The following CPA6 variants were observed in gnomAD, a reference collection of about 807,000 sequenced individuals.
The protein encoded by CPA6 is carboxypeptidase A6, also known as carboxypeptidase B.
CPA6 carries 58 observed loss-of-function variants against 63.3 expected under a neutral mutation model. The observed-to-expected ratio is 0.92, with a 90% CI of 0.74 to 1.14. CPA6 has a LOEUF of 1.14. Among genes scored for constraint, CPA6 ranks in the 50% most tolerant of loss-of-function variants. The pLI, the probability that CPA6 is intolerant of heterozygous loss-of-function variation, is 0.00. For missense variants in CPA6, 565 were observed against 526.6 expected, an observed-to-expected ratio of 1.07 and a Z score of -0.71; for synonymous variants, 185 against 179.0, an observed-to-expected ratio of 1.03 and a Z score of -0.27.
intron 10 of CPA6, among the ~76,000 whole-genome samples, chr8:67,424,905 A>T (rs1318067494): frequency 1.3e-5 from 2 of 151,968 alleles, no homozygotes; most frequent in African/African-American, 4.8e-5. Context: ...GTGACCTCAC[A>T]CTCTCTAGCT....
intron 1 of CPA6, among the ~76,000 whole-genome samples, chr8:67,677,973 C>A (rs1042944832): frequency 2.0e-5 from 3 of 151,924 alleles, no homozygotes; most frequent in African/African-American, 7.3e-5. Flanking sequence ...CTGATGAGCT[C>A]ATGCTTGTAA....
At chr8:67,659,663 C>T (rs898730547) in intron 1 of CPA6, among the ~76,000 whole-genome samples, 3 of 152,160 alleles carry the variant, frequency 2.0e-5, no homozygotes, top group Non-Finnish European at 4.4e-5. Flanking sequence ...AAACTAATCA[C>T]ATTTGCAAAA....
chr8:67,670,477 G>T (rs1816319983), intron 1 of CPA6, among the ~76,000 whole-genome samples: 1 of 152,148 alleles, frequency 6.6e-6, no homozygotes, highest in African/African-American at 2.4e-5. Flanking sequence ...CGGGGACACA[G>T]ATCCAAACCA....
chr8:67,616,783 C>G (rs1181665450), intron 2 of CPA6, among the ~76,000 whole-genome samples: 1 of 151,982 alleles, frequency 6.6e-6, no homozygotes, highest in Non-Finnish European at 1.5e-5. Flanking sequence ...CTCTTAGAAC[C>G]CTGTGACTCC....
intron 8 of CPA6, among the ~76,000 whole-genome samples, chr8:67,439,346 G>C (rs551914490): frequency 6.6e-6 from 1 of 152,142 alleles, no homozygotes; most frequent in African/African-American, 2.4e-5. Flanking sequence ...CCAGCACTTT[G>C]GGAGCCAAGG....
At chr8:67,443,067 CT>C (rs113694942) in intron 8 of CPA6, among the ~76,000 whole-genome samples, 34,556 of 145,090 alleles carry the variant, frequency 0.24, 4,202 homozygotes, top group African/African-American at 0.35. Flanking sequence ...CTAGCCTATT[CT>C]TTTTTTTTTT....
At chr8:67,434,261 TG>T (rs1216783408) in intron 8 of CPA6, 21 bp from the exon 9 acceptor site, 1 of 1,602,278 alleles carries the variant, frequency 6.2e-7, no homozygotes, top group Non-Finnish European at 8.5e-7. Context: ...GAAAAGAAAA[TG>T]GGGTAAGGAA....
intron 1 of CPA6, among the ~76,000 whole-genome samples, chr8:67,701,791 T>G: frequency 6.6e-6 from 1 of 152,242 alleles, no homozygotes; most frequent in East Asian, 1.9e-4. Flanking sequence ...GCCTCATTTA[T>G]GAAGTTTTTC....
intron 2 of CPA6, among the ~76,000 whole-genome samples, chr8:67,545,384 T>A (rs1319926488): frequency 6.6e-6 from 1 of 152,238 alleles, no homozygotes; most frequent in South Asian, 2.1e-4. Flanking sequence ...TACTTCCTGG[T>A]CTACCTTCCA....
At chr8:67,661,161 A>G (rs899245478) in intron 1 of CPA6, among the ~76,000 whole-genome samples, 2 of 152,224 alleles carry the variant, frequency 1.3e-5, no homozygotes, top group East Asian at 3.9e-4. Context: ...AAGGTCTTCT[A>G]ATTTTAGATA....
chr8:67,507,687 C>T (rs979813549), intron 5 of CPA6, among the ~76,000 whole-genome samples: 11 of 152,186 alleles, frequency 7.2e-5, no homozygotes, highest in Non-Finnish European at 1.6e-4. Flanking sequence ...AACATGTAAG[C>T]AATCAATCAA....
In CPA6 at chr8:67,488,828, G is replaced by A. The variant is rs1811542708; in HGVS notation, c.637-4039C>T. On this transcript the variant is annotated intron_variant, in intron 6 of 10. Transcript: ENST00000297770. The stretch of plus-strand genomic sequence containing the variant: ...CTCTTTGTAGCAATTGTGAATGGGA[G>A]TTCACTCATGATTTGGCTCTCTGTT... Among the ~76,000 whole-genome samples the A allele has an allele frequency of 2.0e-5, 3 of 152,152 alleles. No homozygotes were observed. The South Asian group carries it at 6.2e-4, about 32-fold the overall frequency.
intron 2 of CPA6, among the ~76,000 whole-genome samples, chr8:67,548,501 C>T (rs971577278): frequency 6.6e-6 from 1 of 151,848 alleles, no homozygotes; most frequent in Non-Finnish European, 1.5e-5. Context: ...CTGCTCATCT[C>T]GGCCTCCCAA....
intron 1 of CPA6, among the ~76,000 whole-genome samples, chr8:67,689,099 C>T (rs2128997039): frequency 6.6e-6 from 1 of 152,220 alleles, no homozygotes; most frequent in South Asian, 2.1e-4. Context: ...CCTGCCTCAG[C>T]CTCAGCTCCT....
intron 1 of CPA6, among the ~76,000 whole-genome samples, chr8:67,635,595 C>T (rs531589308): frequency 6.6e-6 from 1 of 151,430 alleles, no homozygotes; most frequent in Non-Finnish European, 1.5e-5. Context: ...TGGTGAAACC[C>T]CGTCTCTACT....
At position 67,511,553 on chromosome 8, in the gene CPA6, G is replaced by C. The variant is rs139120666; in HGVS notation, c.420C>G (p.His140Gln). ...TTTGATTACATACTTCTTCTAAGGA[G>C]TGATAAACTTCATAATTATATCCAG... is the stretch of plus-strand genomic sequence containing the variant. ...SLSGYNYEVY[H>Q]SLEEIQNWMH... The change falls in exon 4 of 11, where the codon CAC (histidine) becomes CAG (glutamine). Residue 140 changes from histidine to glutamine, a missense_variant. Physicochemically the swap from His to Gln is conservative, Grantham distance 24. Transcript: ENST00000297770. 1 of 1,581,812 alleles carries C rather than the reference G, an allele frequency of 6.3e-7. No homozygotes were observed. Among genetic ancestry groups the C allele is most frequent in the Non-Finnish European group, 8.7e-7 (1 of 1,150,962 alleles).
chr8:67,738,320 C>G (rs1254364041), intron 1 of CPA6, among the ~76,000 whole-genome samples: 1 of 152,166 alleles, frequency 6.6e-6, no homozygotes, highest in African/African-American at 2.4e-5. Flanking sequence ...AGGAGAGTGA[C>G]TTTTCTTTCC....
intron 1 of CPA6, among the ~76,000 whole-genome samples, chr8:67,632,935 G>A (rs1468983669): frequency 6.6e-6 from 1 of 152,108 alleles, no homozygotes; most frequent in East Asian, 1.9e-4. Context: ...TACCTATTAA[G>A]CATATTGATT....
intron 4 of CPA6, among the ~76,000 whole-genome samples, chr8:67,510,022 A>C (rs539883855): frequency 9.9e-5 from 15 of 152,192 alleles, no homozygotes; most frequent in Admixed American, 5.2e-4. Context: ...AACTACTTGA[A>C]AGTGTTTCTT....
Sources: gnomAD v4.1 joint callset for allele counts (sites outside exome capture counted in the v4.1 genomes callset) on GRCh38, gnomAD v4.1.1 for gene constraint, MANE v1.5 for transcripts, NCBI Gene and HGNC (gene_info 2026-07-23, HGNC 2026-07-21) for gene names.